SPOPL: variants seen among roughly 807,000 people sequenced by gnomAD.
SPOPL encodes the protein speckle-type POZ protein-like.
In SPOPL, 23 loss-of-function variants were observed where a neutral mutation model predicts 53.8. The ratio of observed to expected loss-of-function variants is 0.43; its 90% confidence interval spans 0.31 to 0.61. The LOEUF is 0.61. Among genes scored for constraint, SPOPL ranks in the 20% least tolerant of loss-of-function variants. SPOPL has a pLI of 0.12. For missense variants in SPOPL, 442 were observed against 466.9 expected, an observed-to-expected ratio of 0.95 and a Z score of 0.49; for synonymous variants, 164 against 149.7, an observed-to-expected ratio of 1.10 and a Z score of -0.70.
At chr2:138,567,495 G>A (rs1186873995) in intron 10 of SPOPL, among the ~76,000 whole-genome samples, 1 of 150,778 alleles carries the variant, frequency 6.6e-6, no homozygotes, top group Non-Finnish European at 1.5e-5. Flanking sequence ...ATCAGACCCT[G>A]AAAGGCCATG....
rs138272883 is a variant in SPOPL, at chr2:138,518,376, T to G, written c.-61+16257T>G. 5.5e-3 allele frequency among the ~76,000 whole-genome samples: 837 copies of G among 152,306 alleles called. 11 individuals are homozygous for G. The highest frequency in any genetic ancestry group is 0.019 in the African/African-American group (794 of 41,578). Reference sequence around the variant, plus strand: ...ATAACTGTGCAGGAACTACCCTAAGTATAGACCTTATCTCCTGTAATACTC... The same window carrying G: ...ATAACTGTGCAGGAACTACCCTAAGGATAGACCTTATCTCCTGTAATACTC... On this transcript the variant is annotated intron_variant, in intron 1 of 10. Coordinates refer to ENST00000280098, the MANE Select transcript of SPOPL (RefSeq NM_001001664.3).
chr2:138,560,614 C>T (rs1328254810), intron 7 of SPOPL, among the ~76,000 whole-genome samples, 191 bp from the exon 8 acceptor site: 1 of 151,620 alleles, frequency 6.6e-6, no homozygotes, highest in Non-Finnish European at 1.5e-5. Flanking sequence ...TTCACTTTGC[C>T]GAAGTACTTA....
intron 10 of SPOPL, among the ~76,000 whole-genome samples, chr2:138,565,421 C>T (rs1685639838): frequency 6.6e-6 from 1 of 152,156 alleles, no homozygotes; most frequent in African/African-American, 2.4e-5. Flanking sequence ...GAGTAATATG[C>T]TATATTAGGC....
At chr2:138,527,235 C>G (rs1341894356) in intron 1 of SPOPL, among the ~76,000 whole-genome samples, 1 of 151,858 alleles carries the variant, frequency 6.6e-6, no homozygotes, top group African/African-American at 2.4e-5. Context: ...GTTGATGAGG[C>G]CTGTCTATGA....
rs1299735080 is a variant in SPOPL at position 138,570,807 on chromosome 2, G to A, written c.*1727G>A. ...AATTCGAATATGTCCAGATTCATTT[G>A]GATTCATATTTACATTGAAAAAACT... On this transcript the variant is annotated 3_prime_UTR_variant, in exon 11 of 11. Transcript: ENST00000280098. The A allele has an allele frequency of 1.3e-5, 2 of 152,006 alleles. No homozygotes were observed. The highest frequency in any genetic ancestry group is 2.4e-5 in the African/African-American group (1 of 41,392). The allele number at this position is 152,006 out of a possible 1,614,324, so 9.4% of individuals were successfully genotyped here.
chr2:138,564,957 A>T lies in SPOPL; in HGVS notation c.998A>T (p.Gln333Leu), dbSNP rs754784734. The change falls in exon 10 of 11, where the codon CAA becomes CTA. Residue 333 changes from glutamine to leucine, a missense_variant. Coordinates refer to ENST00000280098, the MANE Select transcript of SPOPL (RefSeq NM_001001664.3). ...DFINRCSVLR[Q>L]LGCKDGKNWN... Reference sequence around the variant, plus strand: ...CAATGCAGGTGCAGTGTACTTCGACAACTTGGGTGTAAAGATGGGAAAAAC... The same window carrying T: ...CAATGCAGGTGCAGTGTACTTCGACTACTTGGGTGTAAAGATGGGAAAAAC... The T allele has an allele frequency of 2.5e-6, 4 of 1,614,104 alleles. No homozygotes were observed. The highest frequency in any genetic ancestry group is 3.4e-6 in the Non-Finnish European group (4 of 1,180,016).
At chr2:138,559,396 T>C (rs1218821599) in intron 7 of SPOPL, 59 bp downstream of exon 7, 2 of 1,500,716 alleles carry the variant, frequency 1.3e-6, no homozygotes, top group African/African-American at 2.8e-5. Flanking sequence ...GTTGGGTGTA[T>C]GTTTTAAAAG....
chr2:138,534,441 G>A (rs1371474999), intron 1 of SPOPL, among the ~76,000 whole-genome samples: 1 of 152,102 alleles, frequency 6.6e-6, no homozygotes, highest in Non-Finnish European at 1.5e-5. Flanking sequence ...ATACCATTTT[G>A]TATAAGGGAC....
At position 138,565,005 on chromosome 2, in the gene SPOPL, T is replaced by A; in HGVS notation, c.1034+12T>A. 6.2e-7 allele frequency: 1 copy of A among 1,613,752 alleles called. No individual in the cohort carries two copies. Among genetic ancestry groups the A allele is most frequent in the Non-Finnish European group, 8.5e-7 (1 of 1,179,974 alleles). On this transcript the variant is annotated intron_variant, in intron 10 of 10. Coordinates refer to ENST00000280098, the MANE Select transcript of SPOPL (RefSeq NM_001001664.3). ...AACTGGAACAGCAAGTAAGATGACA[T>A]CAGTTTCTGACTCAAAGTTGCTCTA...
chr2:138,503,836 T>C (rs1442776820), intron 1 of SPOPL, among the ~76,000 whole-genome samples: 1 of 152,268 alleles, frequency 6.6e-6, no homozygotes, highest in Non-Finnish European at 1.5e-5. Flanking sequence ...CATACTCATC[T>C]GACCTTTATC....
chr2:138,567,447 G>A (rs1406140388), intron 10 of SPOPL, among the ~76,000 whole-genome samples: 1 of 147,696 alleles, frequency 6.8e-6, no homozygotes, highest in Non-Finnish European at 1.5e-5. Flanking sequence ...CGGGCGGGGA[G>A]GTAGTTAATG....
chr2:138,529,486 G>C (rs1684752660), intron 1 of SPOPL, among the ~76,000 whole-genome samples: 1 of 146,710 alleles, frequency 6.8e-6, no homozygotes, highest in Admixed American at 7.0e-5. Flanking sequence ...GTGTGTGTGT[G>C]TATGCATGTG....
chr2:138,555,127 G>A (rs1263343836), intron 5 of SPOPL, among the ~76,000 whole-genome samples: 2 of 90,866 alleles, frequency 2.2e-5, no homozygotes, highest in Non-Finnish European at 5.0e-5. Context: ...TTGGAGGGTA[G>A]GAGGGTGTGT....
intron 1 of SPOPL, among the ~76,000 whole-genome samples, chr2:138,536,088 A>C (rs1684925854): frequency 1.3e-5 from 2 of 152,230 alleles, no homozygotes; most frequent in South Asian, 2.1e-4. Flanking sequence ...CATACTTATT[A>C]ATGGCTATTT....
At position 138,570,740 on chromosome 2, in the gene SPOPL, G is replaced by T. The variant is rs570405634; in HGVS notation, c.*1660G>T. 6.6e-6 allele frequency: 1 copy of T among 152,200 alleles called. No individual in the cohort carries two copies. Among genetic ancestry groups the T allele is most frequent in the Admixed American group, 6.5e-5 (1 of 15,272 alleles). The allele number at this position is 152,200 out of a possible 1,614,324, so 9.4% of individuals were successfully genotyped here. A position where few individuals can be genotyped will look rare whatever the true frequency, so the allele number is the denominator to read the frequency against. On this transcript the variant is annotated 3_prime_UTR_variant, in exon 11 of 11. Transcript: ENST00000280098. ...ATGAAGCTTGAGGTGTTTTCAAATAGACCTTATTTTTGCTATCTCTTTGTT... is the reference window on the plus strand; with the variant it reads ...ATGAAGCTTGAGGTGTTTTCAAATATACCTTATTTTTGCTATCTCTTTGTT...
intron 1 of SPOPL, among the ~76,000 whole-genome samples, chr2:138,513,207 C>T (rs1215621705): frequency 6.6e-6 from 1 of 152,194 alleles, no homozygotes; most frequent in Non-Finnish European, 1.5e-5. Context: ...TGCCTGAGGC[C>T]AGGAGTTCTA....
intron 10 of SPOPL, among the ~76,000 whole-genome samples, chr2:138,567,626 C>G (rs1028213589): frequency 6.6e-6 from 1 of 151,892 alleles, no homozygotes; most frequent in Non-Finnish European, 1.5e-5. Context: ...GGGTGGAGAA[C>G]GAATTGTGGG....
At chr2:138,521,080 A>T (rs551358028) in intron 1 of SPOPL, among the ~76,000 whole-genome samples, 1 of 152,336 alleles carries the variant, frequency 6.6e-6, no homozygotes, top group East Asian at 1.9e-4. Context: ...AATATCTTTA[A>T]TATGTTATGC....
intron 10 of SPOPL, 175 bp downstream of exon 10, chr2:138,565,168 G>T: frequency 1.3e-6 from 1 of 777,764 alleles, no homozygotes; most frequent in Non-Finnish European, 2.0e-6. Flanking sequence ...ATGCTCCCTT[G>T]TAGGTCAGCT....
Sources: gnomAD v4.1 joint callset for allele counts (sites outside exome capture counted in the v4.1 genomes callset) on GRCh38, gnomAD v4.1.1 for gene constraint, MANE v1.5 for transcripts, NCBI Gene and HGNC (gene_info 2026-07-23, HGNC 2026-07-21) for gene names.